IFT122: variants seen among roughly 807,000 people sequenced by gnomAD.
The protein encoded by IFT122 is intraflagellar transport protein 122 homolog.
A neutral mutation model predicts 161.6 loss-of-function variants in IFT122; 118 were observed. The ratio of observed to expected loss-of-function variants is 0.73; its 90% confidence interval spans 0.63 to 0.85. The LOEUF (loss-of-function observed/expected upper bound fraction) is 0.85, where lower values mean the gene tolerates loss of function less well. IFT122 is among the 40% of genes least tolerant of loss of function. The probability of loss-of-function intolerance (pLI) is 0.00; values close to 1 mark genes in which losing one functional copy is unlikely to be tolerated. For synonymous variants in IFT122, 550 were observed against 602.4 expected (o/e 0.91, Z 1.27); for missense variants, 1,381 against 1,579.6 (o/e 0.87, Z 2.13).
chr3:129,451,256 G>A (rs940692505), intron 2 of IFT122, among the ~76,000 whole-genome samples: 2 of 151,964 alleles, frequency 1.3e-5, no homozygotes, highest in African/African-American at 4.8e-5. Flanking sequence ...ACACCACCTC[G>A]TCCACCTAAT....
Position 129,487,991 on chromosome 3 carries a change from C to T in IFT122, c.1852-266C>T, listed in dbSNP as rs139299979. ...TCCAGGTGAGGGTGACATCCTATGGCGAGGCAGGCCTGTAGGTGGGAAGGA... is the reference window on the plus strand; with the variant it reads ...TCCAGGTGAGGGTGACATCCTATGGTGAGGCAGGCCTGTAGGTGGGAAGGA... On this transcript the variant is annotated intron_variant, in intron 15 of 29. Transcript: ENST00000348417. The T allele has an allele frequency of 2.9e-3, 1,537 of 532,758 alleles. 31 individuals carry two copies. Among genetic ancestry groups the T allele is most frequent in the South Asian group, 0.025 (1,241 of 50,520 alleles). The allele number at this position is 532,758 out of a possible 1,614,324, so 33.0% of individuals were successfully genotyped here.
At chr3:129,471,614 A>G (rs1184904692) in intron 9 of IFT122, among the ~76,000 whole-genome samples, 2 of 152,236 alleles carry the variant, frequency 1.3e-5, no homozygotes, top group Admixed American at 6.5e-5. Context: ...CCCAGAGCTC[A>G]TGTTGTGGCC....
At chr3:129,491,652 T>C (rs1044112375) in intron 16 of IFT122, among the ~76,000 whole-genome samples, 7 of 152,188 alleles carry the variant, frequency 4.6e-5, no homozygotes, top group African/African-American at 1.7e-4. Context: ...GCTCCCTCTG[T>C]GGTACCAGGG....
chr3:129,517,536 C>T lies in IFT122; in HGVS notation c.3333C>T (p.Ile1111=), dbSNP rs991750889. 1.5e-5 allele frequency: 25 copies of T among 1,613,932 alleles called. No individual in the cohort carries two copies. In the Admixed American group the frequency reaches 1.8e-4, roughly 12 times the overall value. ...CTGATGAAGAAGCCATCTCCCTCAT[C>T]GACCTGGAGGTGCTGAGACCCAAGC... The part of the protein sequence containing the change: ...GITDEEAISL[I]DLEVLRPKRD... The change falls in exon 27 of 30, where the codon ATC becomes ATT. Residue 1111 remains isoleucine (I), a synonymous_variant. Transcript: ENST00000348417.
intron 3 of IFT122, among the ~76,000 whole-genome samples, chr3:129,455,525 GT>G (rs1048354737): frequency 6.6e-6 from 1 of 152,018 alleles, no homozygotes; most frequent in Non-Finnish European, 1.5e-5. Flanking sequence ...GTAAGACATA[GT>G]TTTTTTGTTC....
Position 129,479,925 on chromosome 3 carries a change from G to C in IFT122, c.1488+3G>C. 1 of 1,613,872 alleles carries C rather than the reference G, an allele frequency of 6.2e-7. No homozygotes were observed. The highest frequency in any genetic ancestry group is 8.5e-7 in the Non-Finnish European group (1 of 1,179,934). On this transcript the variant is annotated splice_donor_region_variant and intron_variant, in intron 13 of 29. Coordinates refer to ENST00000348417, the MANE Select transcript of IFT122 (RefSeq NM_052989.3). ...TAGTGGGGCTGAAGAATGGACAGGT[G>C]AGTGCTCCCTCACGTCTCCTGTCAG...
rs143832687 is a variant in IFT122 at position 129,461,892 on chromosome 3, G to A, written c.349+588G>A. 5.2e-3 allele frequency among the ~76,000 whole-genome samples: 785 copies of A among 152,306 alleles called. 6 individuals are homozygous for A. The highest frequency in any genetic ancestry group is 8.2e-3 in the Non-Finnish European group (558 of 68,022). ...GGTGTCAGTAAAATGTCTGTGGAGG[G>A]AGGAAGGGAGTGAAATTGGGCAGAG... On this transcript the variant is annotated intron_variant, in intron 5 of 29. Coordinates refer to ENST00000348417, the MANE Select transcript of IFT122 (RefSeq NM_052989.3).
In IFT122 at chr3:129,448,697, A is replaced by T. The variant is rs556053346; in HGVS notation, c.42-1174A>T. Among the ~76,000 whole-genome samples the T allele has an allele frequency of 6.1e-3, 890 of 146,032 alleles. 7 individuals carry two copies. Among genetic ancestry groups the T allele is most frequent in the South Asian group, 0.015 (70 of 4,604 alleles). On this transcript the variant is annotated intron_variant, in intron 1 of 29. Transcript: ENST00000348417. ...AGCTTGCCTTTTTATTTATTTATTTATTTTTTTTTTTTGAGACGGAGTCTT... is the reference window on the plus strand; with the variant it reads ...AGCTTGCCTTTTTATTTATTTATTTTTTTTTTTTTTTTGAGACGGAGTCTT...
chr3:129,518,996 ACT>A, intron 27 of IFT122, 109 bp from the exon 28 acceptor site: 2 of 904,804 alleles, frequency 2.2e-6, no homozygotes, highest in Non-Finnish European at 1.9e-6. Context: ...CACCTGGAAA[ACT>A]CTTCCACTGG....
In IFT122 at chr3:129,517,531, C is replaced by G. The variant is rs2084130888; in HGVS notation, c.3328C>G (p.Leu1110Val). 6.2e-7 allele frequency: 1 copy of G among 1,613,986 alleles called. No individual in the cohort carries two copies. The highest frequency in any genetic ancestry group is 8.5e-7 in the Non-Finnish European group (1 of 1,179,900). Residue 1110 changes from leucine (L) to valine (V), a missense_variant, in exon 27 of 30, where the codon CTC becomes GTC. Transcript: ENST00000348417. ...GATCACTGATGAAGAAGCCATCTCCCTCATCGACCTGGAGGTGCTGAGACC... is the reference window on the plus strand; with the variant it reads ...GATCACTGATGAAGAAGCCATCTCCGTCATCGACCTGGAGGTGCTGAGACC... ...EGITDEEAIS[L>V]IDLEVLRPKR...
At position 129,478,188 on chromosome 3, in the gene IFT122, G is replaced by T. The variant is rs1035170584; in HGVS notation, c.1320G>T (p.Val440=). 2.5e-6 allele frequency: 4 copies of T among 1,614,190 alleles called. No homozygotes were observed. Residue 440 remains valine, a synonymous_variant, in exon 12 of 30, where the codon GTG becomes GTT. Coordinates refer to ENST00000348417, the MANE Select transcript of IFT122 (RefSeq NM_052989.3). ...AGAAGTTTGAGTGCAACCTCCTGGT[G>T]GTGTGTGCCAATCACATCATCCTGT... is the stretch of plus-strand genomic sequence containing the variant. The part of the protein sequence containing the change: ...IIKKFECNLL[V]VCANHIILCQ...
At chr3:129,444,119 A>C (rs921621988) in intron 1 of IFT122, among the ~76,000 whole-genome samples, 1 of 152,228 alleles carries the variant, frequency 6.6e-6, no homozygotes, top group Non-Finnish European at 1.5e-5. Context: ...CGTGAGTAGG[A>C]GGCTACCTCT....
At chr3:129,502,414 G>A (rs1276529555) in intron 19 of IFT122, among the ~76,000 whole-genome samples, 3 of 152,176 alleles carry the variant, frequency 2.0e-5, no homozygotes, top group African/African-American at 2.4e-5. Flanking sequence ...AGCTCATGGC[G>A]TCATCTGGGT....
chr3:129,501,143 C>T (rs1017917863), intron 19 of IFT122, among the ~76,000 whole-genome samples: 1 of 152,018 alleles, frequency 6.6e-6, no homozygotes, highest in Non-Finnish European at 1.5e-5. Context: ...CTCAGCACAC[C>T]GGACCTTGAG....
chr3:129,505,086 GACT>G (rs2082054789), intron 21 of IFT122, among the ~76,000 whole-genome samples: 1 of 152,184 alleles, frequency 6.6e-6, no homozygotes, highest in Non-Finnish European at 1.5e-5. Context: ...TTTTAAAGTT[GACT>G]TCCCTCTCTG....
intron 1 of IFT122, among the ~76,000 whole-genome samples, chr3:129,445,145 G>A (rs888963493): frequency 6.6e-6 from 1 of 152,046 alleles, no homozygotes; most frequent in Non-Finnish European, 1.5e-5. Context: ...GGCCAACATG[G>A]TAAAACCCTG....
Position 129,466,983 on chromosome 3 carries a change from G to A in IFT122, c.657G>A (p.Lys219=). 1 of 1,614,210 alleles carries A rather than the reference G, an allele frequency of 6.2e-7. No individual in the cohort carries two copies. The highest frequency in any genetic ancestry group is 8.5e-7 in the Non-Finnish European group (1 of 1,180,004). Reference sequence around the variant, plus strand: ...TTCAGGAAATCCCTTCCACTCTGAAGTCAGCAGTGTACAGTAGTCAGGGTA... The same window carrying A: ...TTCAGGAAATCCCTTCCACTCTGAAATCAGCAGTGTACAGTAGTCAGGGTA... ...RYIQEIPSTL[K]SAVYSSQGSE... Residue 219 remains lysine (K), a synonymous_variant, in exon 8 of 30, where the codon AAG becomes AAA. Coordinates refer to ENST00000348417, the MANE Select transcript of IFT122 (RefSeq NM_052989.3).
rs879115516 is a variant in IFT122 at position 129,517,722 on chromosome 3, A to G, written c.3391+128A>G. The G allele has an allele frequency of 1.1e-5, 14 of 1,258,958 alleles. No individual in the cohort carries two copies. The South Asian group carries it at 1.7e-4, about 15-fold the overall frequency. 78.0% of individuals were successfully genotyped at this position (1,258,958 alleles called of 1,614,324 possible). On this transcript the variant is annotated intron_variant, in intron 27 of 29. Coordinates refer to ENST00000348417, the MANE Select transcript of IFT122 (RefSeq NM_052989.3). ...TGAGCCTGGCCCTGTGTTCCCAGAG[A>G]GATTGGAGAGGCCCACATGGGACAG...
chr3:129,446,095 T>G (rs1438888885), intron 1 of IFT122, among the ~76,000 whole-genome samples: 1 of 141,776 alleles, frequency 7.1e-6, no homozygotes, highest in Non-Finnish European at 1.5e-5. Flanking sequence ...ACTTTAAGTA[T>G]GATAAGAAAC....
Sources: allele counts gnomAD v4.1 joint callset (sites outside exome capture counted in the v4.1 genomes callset), GRCh38; gene constraint gnomAD v4.1.1; transcripts MANE v1.5; gene names NCBI Gene and HGNC (gene_info 2026-07-23, HGNC 2026-07-21).